RORA: variants seen among roughly 807,000 people sequenced by gnomAD.
RORA encodes RAR related orphan receptor A, also known as nuclear receptor ROR-alpha.
RORA carries 7 observed loss-of-function variants against 69.5 expected under a neutral mutation model. The observed-to-expected ratio is 0.10, with a 90% confidence interval of 0.06 to 0.19. The LOEUF (loss-of-function observed/expected upper bound fraction) is 0.19. Ranked by LOEUF, RORA falls within the 10% of genes least tolerant of loss-of-function variation. RORA has a pLI of 1.00. For missense variants in RORA, 457 were observed against 663.0 expected (o/e 0.69, Z 3.41); for synonymous variants, 261 against 240.8 (o/e 1.08, Z -0.78).
chr15:60,704,174 C>G (rs1375280556), intron 1 of RORA, among the ~76,000 whole-genome samples: 1 of 152,224 alleles, frequency 6.6e-6, no homozygotes, highest in East Asian at 1.9e-4. Context: ...ATGCGCCACT[C>G]CAAGCTTCAA....
At chr15:60,757,642 A>C (rs1421350749) in intron 1 of RORA, among the ~76,000 whole-genome samples, 2 of 152,170 alleles carry the variant, frequency 1.3e-5, no homozygotes, top group Admixed American at 6.5e-5. Flanking sequence ...TCCTTGTCCC[A>C]AAAACAGAGC....
At chr15:61,154,518 T>C (rs1227709953) in intron 1 of RORA, among the ~76,000 whole-genome samples, 1 of 152,174 alleles carries the variant, frequency 6.6e-6, no homozygotes, top group African/African-American at 2.4e-5. Context: ...AACAAGTGAT[T>C]CTCAGTCACA....
At chr15:60,693,599 A>T (rs2070861161) in intron 1 of RORA, among the ~76,000 whole-genome samples, 1 of 152,238 alleles carries the variant, frequency 6.6e-6, no homozygotes, top group Non-Finnish European at 1.5e-5. Flanking sequence ...CAGCAGTCTC[A>T]GGATACAAAA....
At chr15:60,987,821 C>A (rs1894253084) in intron 1 of RORA, among the ~76,000 whole-genome samples, 1 of 152,174 alleles carries the variant, frequency 6.6e-6, no homozygotes, top group South Asian at 2.1e-4. Context: ...GACAGGAAAA[C>A]TGAGGCTCAG....
chr15:60,728,408 G>A (rs1421670398), intron 1 of RORA, among the ~76,000 whole-genome samples: 1 of 152,016 alleles, frequency 6.6e-6, no homozygotes, highest in Non-Finnish European at 1.5e-5. Flanking sequence ...GCTTGTGTAG[G>A]GACTAGGTTG....
intron 1 of RORA, among the ~76,000 whole-genome samples, chr15:60,869,222 G>A (rs1163696954): frequency 6.6e-6 from 1 of 152,196 alleles, no homozygotes; most frequent in Non-Finnish European, 1.5e-5. Context: ...TGTGTAAGGA[G>A]TTGTCAGGCA....
chr15:61,014,229 T>C (rs1209692547), intron 1 of RORA, among the ~76,000 whole-genome samples: 2 of 152,210 alleles, frequency 1.3e-5, no homozygotes, highest in Non-Finnish European at 2.9e-5. Context: ...ATCTATAAAA[T>C]GAGAGCACAA....
chr15:60,501,990 A>T (rs1567039170), intron 8 of RORA, among the ~76,000 whole-genome samples: 1 of 152,080 alleles, frequency 6.6e-6, no homozygotes, highest in South Asian at 2.1e-4. Flanking sequence ...ATTTATTATT[A>T]ATTATTCTGA....
At chr15:61,027,919 T>A (rs1895918206) in intron 1 of RORA, among the ~76,000 whole-genome samples, 1 of 152,242 alleles carries the variant, frequency 6.6e-6, no homozygotes, top group Admixed American at 6.5e-5. Flanking sequence ...CATAGCACTG[T>A]GAGTACCTAA....
intron 1 of RORA, among the ~76,000 whole-genome samples, chr15:60,822,002 T>A (rs1195619592): frequency 7.4e-6 from 1 of 134,832 alleles, no homozygotes; most frequent in African/African-American, 2.4e-5. Flanking sequence ...AGTAGCAGTA[T>A]TCACAGAAGC....
intron 1 of RORA, among the ~76,000 whole-genome samples, chr15:61,119,413 ACTAT>A (rs1566998052): frequency 2.9e-5 from 4 of 137,520 alleles, no homozygotes; most frequent in African/African-American, 1.2e-4. Context: ...ATATACACAC[ACTAT>A]ATATATATAT....
At chr15:60,660,752 AG>A (rs1273398912) in intron 2 of RORA, among the ~76,000 whole-genome samples, 14 of 96,180 alleles carry the variant, frequency 1.5e-4, no homozygotes, top group Non-Finnish European at 3.5e-4. Context: ...ACACACTGAA[AG>A]AAAAAAAAAA....
intron 1 of RORA, among the ~76,000 whole-genome samples, chr15:60,896,732 C>CTTTTT (rs66780614): frequency 6.8e-5 from 8 of 117,158 alleles, no homozygotes; most frequent in African/African-American, 8.9e-5. Context: ...GAGAATTTAG[C>CTTTTT]TTTTTTTTTT....
At chr15:60,883,125 C>T (rs541395042) in intron 1 of RORA, among the ~76,000 whole-genome samples, 104 of 54,796 alleles carry the variant, frequency 1.9e-3, no homozygotes, top group East Asian at 0.017. Flanking sequence ...AGAGAGACAT[C>T]GTCTCAAAAA....
At chr15:60,802,048 G>A (rs1327783494) in intron 1 of RORA, among the ~76,000 whole-genome samples, 2 of 152,184 alleles carry the variant, frequency 1.3e-5, no homozygotes, top group Non-Finnish European at 2.9e-5. Context: ...TGAATGGTCT[G>A]GCACCAGAGC....
intron 2 of RORA, among the ~76,000 whole-genome samples, chr15:60,541,655 A>G (rs1265008632): frequency 6.6e-6 from 1 of 152,244 alleles, no homozygotes; most frequent in Non-Finnish European, 1.5e-5. Flanking sequence ...ACATAAGGAG[A>G]AGAAATGCTC....
At chr15:61,139,060 C>T (rs2079272529) in intron 1 of RORA, among the ~76,000 whole-genome samples, 2 of 151,848 alleles carry the variant, frequency 1.3e-5, no homozygotes, top group Non-Finnish European at 2.9e-5. Context: ...AGGAGAACGG[C>T]ACGAACCCAG....
intron 1 of RORA, among the ~76,000 whole-genome samples, chr15:61,104,986 T>C (rs1190736692): frequency 6.7e-6 from 1 of 149,842 alleles, no homozygotes; most frequent in African/African-American, 2.5e-5. Context: ...TCTGCCATGA[T>C]CATGAGGCGC....
At position 60,986,924 on chromosome 15, in the gene RORA, T is replaced by C. The variant is rs142335629; in HGVS notation, c.166+242129A>G. On this transcript the variant is annotated intron_variant, in intron 1 of 10. Transcript: ENST00000335670. ...GATTCAACACAATCCGCAGACCGGGTGATTAAATAAAGCACTTTGGTTTTT... is the reference window on the plus strand; with the variant it reads ...GATTCAACACAATCCGCAGACCGGGCGATTAAATAAAGCACTTTGGTTTTT... Among the ~76,000 whole-genome samples the C allele has an allele frequency of 3.3e-5, 5 of 152,176 alleles. No homozygotes were observed. The East Asian group carries it at 9.7e-4, about 29-fold the overall frequency.
Sources: allele counts gnomAD v4.1 joint callset (sites outside exome capture counted in the v4.1 genomes callset), GRCh38; gene constraint gnomAD v4.1.1; transcripts MANE v1.5; gene names NCBI Gene and HGNC (gene_info 2026-07-23, HGNC 2026-07-21).